NUDT4: variants seen among roughly 807,000 people sequenced by gnomAD.
The protein encoded by NUDT4 is diphosphoinositol polyphosphate phosphohydrolase 2.
In NUDT4, 5 loss-of-function variants were observed where a neutral mutation model predicts 23.1. That is an observed-to-expected ratio of 0.22 (90% CI 0.11 to 0.46). The LOEUF (loss-of-function observed/expected upper bound fraction) is 0.46, where lower values mean the gene tolerates loss of function less well. Ranked by LOEUF, NUDT4 falls within the 20% of genes least tolerant of loss-of-function variation. The probability of loss-of-function intolerance (pLI) is 0.99; values close to 1 mark genes in which losing one functional copy is unlikely to be tolerated. For synonymous variants in NUDT4, 50 were observed against 79.0 expected (o/e 0.63, Z 1.95); for missense variants, 96 against 211.6 (o/e 0.45, Z 3.39).
At chr12:93,390,941 T>C (rs1168076565) in intron 1 of NUDT4, among the ~76,000 whole-genome samples, 1 of 152,092 alleles carries the variant, frequency 6.6e-6, no homozygotes, top group African/African-American at 2.4e-5. Flanking sequence ...ATAGATACTC[T>C]CTTTTAACTC....
chr12:93,380,186 C>T (rs994889326), intron 1 of NUDT4, among the ~76,000 whole-genome samples: 1 of 152,064 alleles, frequency 6.6e-6, no homozygotes, highest in Non-Finnish European at 1.5e-5. Context: ...GTTTGGAAGC[C>T]TATCTGAAAG....
At chr12:93,398,685 A>T in intron 3 of NUDT4, 86 bp from the exon 4 acceptor site, 1 of 811,310 alleles carries the variant, frequency 1.2e-6, no homozygotes, top group East Asian at 2.5e-5. Context: ...AATCAGCAGT[A>T]TGCCAGACTA....
intron 1 of NUDT4, among the ~76,000 whole-genome samples, chr12:93,385,941 T>TTATATATATATA (rs371683658): frequency 1.8e-3 from 184 of 104,546 alleles, no homozygotes; most frequent in African/African-American, 5.6e-3. Context: ...GTAAATCTTT[T>TTATATATATATA]TATATATATA....
At chr12:93,390,125 GTGA>G (rs1390690522) in intron 1 of NUDT4, among the ~76,000 whole-genome samples, 4 of 152,144 alleles carry the variant, frequency 2.6e-5, no homozygotes, top group African/African-American at 9.7e-5. Context: ...TATTTACTAA[GTGA>G]TGATGTACTT....
chr12:93,398,338 C>CAAAAAAAAAAA (rs34651915), intron 3 of NUDT4, among the ~76,000 whole-genome samples: 2 of 75,312 alleles, frequency 2.7e-5, no homozygotes, highest in Non-Finnish European at 4.9e-5. Flanking sequence ...CTCCCTGTCT[C>CAAAAAAAAAAA]AAAAAAAAAA....
intron 3 of NUDT4, 63 bp downstream of exon 3, chr12:93,395,596 C>A: frequency 7.8e-7 from 1 of 1,273,968 alleles, no homozygotes; most frequent in Non-Finnish European, 1.1e-6. Flanking sequence ...CCTAACCAAC[C>A]AAATAATGTG....
intron 1 of NUDT4, among the ~76,000 whole-genome samples, chr12:93,381,388 C>T (rs1382282929): frequency 6.6e-6 from 1 of 152,188 alleles, no homozygotes; most frequent in African/African-American, 2.4e-5. Flanking sequence ...GGGTACTGTG[C>T]TTGTACAGTG....
intron 1 of NUDT4, chr12:93,378,917 G>A: frequency 2.3e-6 from 1 of 426,962 alleles, no homozygotes; most frequent in Non-Finnish European, 3.1e-6. Flanking sequence ...GCTTGGAATT[G>A]AGTCTAGTCT....
rs1300793917 is a variant in NUDT4, at chr12:93,400,060, T to TAC, written c.*682_*683insCA. The TAC allele has an allele frequency of 1.5e-5, 2 of 129,282 alleles. No individual in the cohort carries two copies. The highest frequency in any genetic ancestry group is 3.2e-5 in the Non-Finnish European group (2 of 61,798). The allele number at this position is 129,282 out of a possible 1,614,324, so 8.0% of individuals were successfully genotyped here. A position where few individuals can be genotyped will look rare whatever the true frequency, so the allele number is the denominator to read the frequency against. On this transcript the variant is annotated 3_prime_UTR_variant, in exon 5 of 5. Coordinates refer to ENST00000415493, the MANE Select transcript of NUDT4 (RefSeq NM_019094.6). ...TACCTTAACACAAAGTATAACTCTG[T>TAC]AGAGTTGGTGAATATTTTAGGGAAA...
At chr12:93,383,181 C>T (rs1413615467) in intron 1 of NUDT4, among the ~76,000 whole-genome samples, 1 of 151,782 alleles carries the variant, frequency 6.6e-6, no homozygotes, top group African/African-American at 2.4e-5. Flanking sequence ...GTAAAAAATC[C>T]ATGGTCAACC....
rs1234365935 is a variant in NUDT4, at chr12:93,406,984, C to T, written c.*7605C>T. The T allele has an allele frequency of 6.6e-6, 1 of 152,214 alleles. No homozygotes were observed. The highest frequency in any genetic ancestry group is 2.4e-5 in the African/African-American group (1 of 41,446). 9.4% of individuals were successfully genotyped at this position (152,214 alleles called of 1,614,324 possible). ...AAAAAACATAAAGCTCCTATCAACA[C>T]CTCAAGATTTTAGAAAAGCCTCTTA... On this transcript the variant is annotated 3_prime_UTR_variant, in exon 5 of 5. Coordinates refer to ENST00000415493, the MANE Select transcript of NUDT4 (RefSeq NM_019094.6).
rs1397221723 is a variant in NUDT4, at chr12:93,401,603, ATTG to A, written c.*2229_*2231del. On this transcript the variant is annotated 3_prime_UTR_variant, in exon 5 of 5. Coordinates refer to ENST00000415493, the MANE Select transcript of NUDT4 (RefSeq NM_019094.6). ...ATCTCTTTAAAGTTAGCCTATAAAT[ATTG>A]TTGTATAATTTTCTTTGGTCAGAAA... 4.6e-5 allele frequency: 7 copies of A among 152,826 alleles called. No homozygotes were observed. The highest frequency in any genetic ancestry group is 1.9e-4 in the East Asian group (1 of 5,196). The allele number at this position is 152,826 out of a possible 1,614,324, so 9.5% of individuals were successfully genotyped here.
chr12:93,384,648 A>G (rs9919708), intron 1 of NUDT4, among the ~76,000 whole-genome samples: 43,380 of 152,144 alleles, frequency 0.29, 6,759 homozygotes, highest in East Asian at 0.61. Context: ...ACCATCTTGG[A>G]CTGCATGCAG....
intron 1 of NUDT4, among the ~76,000 whole-genome samples, chr12:93,384,821 A>ACC (rs1875948332): frequency 6.6e-6 from 1 of 151,696 alleles, no homozygotes; most frequent in South Asian, 2.1e-4. Context: ...CAGAGGCGTG[A>ACC]CCTCAGCTCA....
rs1461245431 is a variant in NUDT4, at chr12:93,404,078, G to C, written c.*4699G>C. ...ACTCTCCTGATGCTAATCAGTATCA[G>C]ACAATGGAAGTAAATTTTCCTGCTT... On this transcript the variant is annotated 3_prime_UTR_variant, in exon 5 of 5. Coordinates refer to ENST00000415493, the MANE Select transcript of NUDT4 (RefSeq NM_019094.6). 6.6e-6 allele frequency: 1 copy of C among 152,212 alleles called. No homozygotes were observed. The highest frequency in any genetic ancestry group is 2.4e-5 in the African/African-American group (1 of 41,448). 9.4% of individuals were successfully genotyped at this position (152,212 alleles called of 1,614,324 possible).
chr12:93,393,115 G>C (rs1276384242), intron 1 of NUDT4, among the ~76,000 whole-genome samples: 4 of 128,870 alleles, frequency 3.1e-5, no homozygotes, highest in African/African-American at 1.2e-4. Flanking sequence ...TTTTCCCCGA[G>C]ATGGAGTCTT....
chr12:93,384,768 C>CT (rs559277920), intron 1 of NUDT4, among the ~76,000 whole-genome samples: 88 of 148,196 alleles, frequency 5.9e-4, no homozygotes, highest in African/African-American at 1.2e-3. Context: ...ATACACTATT[C>CT]TTTTTTTTTT....
At chr12:93,392,246 C>CT (rs199861354) in intron 1 of NUDT4, among the ~76,000 whole-genome samples, 1 of 131,270 alleles carries the variant, frequency 7.6e-6, no homozygotes, top group African/African-American at 2.7e-5. Flanking sequence ...CTTTGTTTCC[C>CT]CCCCCCCCTT....
In NUDT4 at chr12:93,405,724, C is replaced by G. The variant is rs1877773330; in HGVS notation, c.*6345C>G. ...ACAGATTTTTATTATTTACACTTCT[C>G]TCAAATTATTACATTCAGCATGTTT... On this transcript the variant is annotated 3_prime_UTR_variant, in exon 5 of 5. Coordinates refer to ENST00000415493, the MANE Select transcript of NUDT4 (RefSeq NM_019094.6). The G allele has an allele frequency of 6.6e-6, 1 of 152,170 alleles. No individual in the cohort carries two copies. Among genetic ancestry groups the G allele is most frequent in the Non-Finnish European group, 1.5e-5 (1 of 68,044 alleles). 9.4% of individuals were successfully genotyped at this position (152,170 alleles called of 1,614,324 possible). A position where few individuals can be genotyped will look rare whatever the true frequency, so the allele number is the denominator to read the frequency against.
Sources: allele counts gnomAD v4.1 joint callset (sites outside exome capture counted in the v4.1 genomes callset), GRCh38; gene constraint gnomAD v4.1.1; transcripts MANE v1.5; gene names NCBI Gene and HGNC (gene_info 2026-07-23, HGNC 2026-07-21).